FRMPD4: variants seen among roughly 807,000 people sequenced by gnomAD.
FRMPD4 encodes the protein FERM and PDZ domain containing 4.
A neutral mutation model predicts 94.1 loss-of-function variants in FRMPD4; 22 were observed. That is an observed-to-expected ratio of 0.23 (90% CI 0.17 to 0.33). FRMPD4 has a LOEUF of 0.33. Ranked by LOEUF, FRMPD4 falls within the 10% of genes least tolerant of loss-of-function variation. The pLI is 1.00. For missense variants in FRMPD4, 1,111 were observed against 1,339.9 expected (o/e 0.83, Z 2.67); for synonymous variants, 631 against 548.6 (o/e 1.15, Z -2.10).
intron 3 of FRMPD4, among the ~76,000 whole-genome samples, chrX:11,980,726 A>G (rs930857629): frequency 6.2e-5 from 7 of 112,105 alleles, no homozygotes; most frequent in Admixed American, 3.8e-4. Context: ...TCATTTAACT[A>G]TCACCCTAAA....
chrX:12,152,689 T>C (rs1236533142), intron 1 of FRMPD4, among the ~76,000 whole-genome samples: 1 of 111,404 alleles, frequency 9.0e-6, no homozygotes, highest in Admixed American at 9.6e-5. Flanking sequence ...ATTATACAAG[T>C]ATAATAGAAA....
intron 1 of FRMPD4, among the ~76,000 whole-genome samples, chrX:12,470,242 C>T (rs898948694): frequency 8.9e-6 from 1 of 112,143 alleles, no homozygotes; most frequent in Non-Finnish European, 1.9e-5. Flanking sequence ...GTCAGCCTGT[C>T]TTTCTGTTCA....
At chrX:12,412,386 G>C (rs923730849) in intron 1 of FRMPD4, among the ~76,000 whole-genome samples, 1 of 112,221 alleles carries the variant, frequency 8.9e-6, no homozygotes, top group Non-Finnish European at 1.9e-5. Flanking sequence ...CAGATGATCA[G>C]TATCTGAGGT....
intron 1 of FRMPD4, among the ~76,000 whole-genome samples, chrX:12,205,363 A>C (rs1354780865): frequency 3.6e-5 from 4 of 111,962 alleles, no homozygotes; most frequent in Non-Finnish European, 7.5e-5. Flanking sequence ...ATATACTAAA[A>C]AATTTTGAAA....
intron 3 of FRMPD4, among the ~76,000 whole-genome samples, chrX:12,031,425 C>A (rs1291050684): frequency 8.9e-6 from 1 of 112,139 alleles, no homozygotes; most frequent in African/African-American, 3.2e-5. Context: ...GTGAACTTCC[C>A]ATTGCAAGGT....
intron 3 of FRMPD4, among the ~76,000 whole-genome samples, chrX:12,110,017 C>T (rs948080307): frequency 1.8e-5 from 2 of 111,902 alleles, no homozygotes; most frequent in Non-Finnish European, 3.8e-5. Context: ...ACCATTCCTT[C>T]TGAAACTATT....
chrX:12,438,207 A>G (rs985428582), intron 1 of FRMPD4, among the ~76,000 whole-genome samples: 2 of 110,817 alleles, frequency 1.8e-5, no homozygotes, highest in African/African-American at 6.6e-5. Context: ...ATTTTAGTAA[A>G]GTTCTAAAAA....
chrX:11,858,675 A>G (rs1378750048), intron 1 of FRMPD4, among the ~76,000 whole-genome samples: 1 of 111,452 alleles, frequency 9.0e-6, no homozygotes, highest in East Asian at 2.8e-4. Flanking sequence ...TATATAACAA[A>G]CCTACACTTG....
chrX:12,014,896 T>G (rs1285428900), intron 3 of FRMPD4, among the ~76,000 whole-genome samples: 2 of 111,411 alleles, frequency 1.8e-5, no homozygotes, highest in African/African-American at 6.5e-5. Context: ...TTGTGATGAT[T>G]AAAGTGCAAA....
intron 2 of FRMPD4, among the ~76,000 whole-genome samples, chrX:12,581,695 G>A (rs960086604): frequency 5.4e-5 from 6 of 111,310 alleles, no homozygotes; most frequent in African/African-American, 1.6e-4. Flanking sequence ...ACTCTCCCTC[G>A]GCTCGTCCTC....
chrX:12,432,189 C>T (rs1330278495), intron 1 of FRMPD4, among the ~76,000 whole-genome samples: 2 of 112,004 alleles, frequency 1.8e-5, no homozygotes, highest in Non-Finnish European at 3.8e-5. Flanking sequence ...ATCATCTTCT[C>T]AGAGAGGCCT....
rs1234166611 is a variant in FRMPD4 at position 11,935,269 on chromosome X, G to GTTTTTTTTTTTTTTTTTTTTTTTTTTTTT, written c.95+57278_95+57279insTTTTTTTTTTTTTTTTTTTTTTTTTTTTT. Reference sequence around the variant, plus strand: ...TTGTTGTTTTTTTTTTTTTTAATGTGTTTTTTTTTTTTTTTTTTTTTTTTT... The same window carrying GTTTTTTTTTTTTTTTTTTTTTTTTTTTTT: ...TTGTTGTTTTTTTTTTTTTTAATGTGTTTTTTTTTTTTTTTTTTTTTTTTTTTTTTTTTTTTTTTTTTTTTTTTTTTTTT... On this transcript the variant is annotated intron_variant, in intron 3 of 18. Coordinates refer to the FRMPD4 transcript ENST00000640291. Among the ~76,000 whole-genome samples the GTTTTTTTTTTTTTTTTTTTTTTTTTTTTT allele has an allele frequency of 4.0e-4, 2 of 5,011 alleles. 1 individual carries two copies. Among genetic ancestry groups the GTTTTTTTTTTTTTTTTTTTTTTTTTTTTT allele is most frequent in the African/African-American group, 1.8e-3 (2 of 1,141 alleles). 4.4% of individuals were successfully genotyped at this position (5,011 alleles called of 115,157 possible). A position where few individuals can be genotyped will look rare whatever the true frequency, so the allele number is the denominator to read the frequency against.
At chrX:12,698,810 A>T (rs1163642520) in intron 9 of FRMPD4, among the ~76,000 whole-genome samples, 4 of 111,450 alleles carry the variant, frequency 3.6e-5, no homozygotes, top group Non-Finnish European at 5.6e-5. Context: ...GCTAATCTTT[A>T]TCAAGTATCT....
In FRMPD4 at chrX:12,543,570, C is replaced by G. The variant is rs1429296319; in HGVS notation, c.158+44774C>G. Among the ~76,000 whole-genome samples the G allele has an allele frequency of 6.3e-5, 7 of 111,999 alleles. 1 individual carries two copies. The highest frequency in any genetic ancestry group is 2.8e-4 in the Admixed American group (3 of 10,589). Reference sequence around the variant, plus strand: ...ATCTCACACCAGTCAGAATGGCAATCATTAAAAAGTCTGGAAACAGGTGCT... The same window carrying G: ...ATCTCACACCAGTCAGAATGGCAATGATTAAAAAGTCTGGAAACAGGTGCT... On this transcript the variant is annotated intron_variant, in intron 2 of 16. Transcript: ENST00000675598.
chrX:11,892,912 G>A (rs1156492849), intron 3 of FRMPD4, among the ~76,000 whole-genome samples: 1 of 111,993 alleles, frequency 8.9e-6, no homozygotes, highest in African/African-American at 3.2e-5. Context: ...CGTATACCCG[G>A]ACGTCAAAAT....
At chrX:12,440,039 T>C (rs2057117255) in intron 1 of FRMPD4, among the ~76,000 whole-genome samples, 1 of 112,037 alleles carries the variant, frequency 8.9e-6, no homozygotes, top group African/African-American at 3.2e-5. Context: ...AAGCTTTAGT[T>C]TTTTTAAAAA....
Position 12,718,334 on chromosome X carries a change from G to A in FRMPD4, c.3508G>A (p.Asp1170Asn). The A allele has an allele frequency of 2.5e-6, 3 of 1,211,254 alleles. No individual in the cohort carries two copies. The highest frequency in any genetic ancestry group is 3.4e-6 in the Non-Finnish European group (3 of 894,796). Reference protein sequence around the residue: ...AKDLDNPEDADSSTCDHPSKL... With the variant: ...AKDLDNPEDANSSTCDHPSKL... ...AGACTTAGATAACCCAGAGGACGCTGACTCGTCCACCTGCGACCATCCTTC... is the reference window on the plus strand; with the variant it reads ...AGACTTAGATAACCCAGAGGACGCTAACTCGTCCACCTGCGACCATCCTTC... Residue 1170 changes from aspartate (D) to asparagine (N), a missense_variant, in exon 16 of 17, where the codon GAC becomes AAC. Coordinates refer to ENST00000675598, the MANE Select transcript of FRMPD4 (RefSeq NM_001368397.1).
rs185210966 is a variant in FRMPD4 at position 12,710,372 on chromosome X, T to G, written c.1471-27T>G. On this transcript the variant is annotated intron_variant, in intron 13 of 16. Coordinates refer to ENST00000675598, the MANE Select transcript of FRMPD4 (RefSeq NM_001368397.1). ...GGGATGTTATTAAGAATGGATGGCTTTAACCAAAGTGTTCTCTTTTGTGTA... is the reference window on the plus strand; with the variant it reads ...GGGATGTTATTAAGAATGGATGGCTGTAACCAAAGTGTTCTCTTTTGTGTA... 4.3e-6 allele frequency: 5 copies of G among 1,172,577 alleles called. No individual in the cohort carries two copies. In the East Asian group the frequency reaches 1.2e-4, roughly 28 times the overall value.
chrX:12,116,473 T>C (rs1472775769), intron 3 of FRMPD4, among the ~76,000 whole-genome samples: 5 of 112,475 alleles, frequency 4.4e-5, no homozygotes, highest in African/African-American at 1.6e-4. Context: ...ATGGTGCTTT[T>C]ACCTTTCCCC....
Sources: allele counts gnomAD v4.1 joint callset (sites outside exome capture counted in the v4.1 genomes callset), GRCh38; gene constraint gnomAD v4.1.1; transcripts MANE v1.5; gene names NCBI Gene and HGNC (gene_info 2026-07-23, HGNC 2026-07-21).